PRIM2: variants seen among roughly 807,000 people sequenced by gnomAD.
The protein encoded by PRIM2 is DNA primase subunit 2, also known as DNA primase large subunit.
A neutral mutation model predicts 67.3 loss-of-function variants in PRIM2; 39 were observed. The observed-to-expected ratio is 0.58, with a 90% CI of 0.45 to 0.76. The LOEUF (loss-of-function observed/expected upper bound fraction) is 0.76, where lower values mean the gene tolerates loss of function less well. PRIM2 is among the 30% of genes least tolerant of loss of function. The probability of loss-of-function intolerance (pLI) is 0.00; values close to 1 mark genes in which losing one functional copy is unlikely to be tolerated. For synonymous variants in PRIM2, 143 were observed against 198.7 expected, an observed-to-expected ratio of 0.72 and a Z score of 2.36; for missense variants, 398 against 598.7, an observed-to-expected ratio of 0.66 and a Z score of 3.50.
chr6:57,390,942 GC>G (rs1770322547), intron 7 of PRIM2, among the ~76,000 whole-genome samples: 1 of 152,090 alleles, frequency 6.6e-6, no homozygotes, highest in Non-Finnish European at 1.5e-5. Context: ...TCTGCTTTTA[GC>G]TCTTTGAGGA....
chr6:57,478,950 C>T (rs1448605195), intron 7 of PRIM2, among the ~76,000 whole-genome samples: 1 of 152,190 alleles, frequency 6.6e-6, no homozygotes, highest in Non-Finnish European at 1.5e-5. Context: ...AGTTCGAGAT[C>T]AGCCTGACCA....
At chr6:57,530,752 C>G (rs1408542059) in intron 8 of PRIM2, among the ~76,000 whole-genome samples, 2 of 151,700 alleles carry the variant, frequency 1.3e-5, no homozygotes, top group Non-Finnish European at 2.9e-5. Context: ...ACTCTGTCAC[C>G]CAGGGTGGAG....
intron 7 of PRIM2, among the ~76,000 whole-genome samples, chr6:57,415,538 G>C (rs1385585791): frequency 1.2e-4 from 19 of 152,166 alleles, no homozygotes; most frequent in African/African-American, 4.1e-4. Flanking sequence ...TGCTGGTGGA[G>C]GGTCTTGCCT....
At chr6:57,237,725 C>T in the PRIM2 span, among the ~76,000 whole-genome samples, 1 of 152,068 alleles carries the variant, frequency 6.6e-6, no homozygotes, top group Non-Finnish European at 1.5e-5. Context: ...CAGATAGTTG[C>T]AGATGTGTGG....
the PRIM2 span, among the ~76,000 whole-genome samples, chr6:57,224,304 A>G: frequency 1.3e-5 from 2 of 152,200 alleles, no homozygotes; most frequent in African/African-American, 4.8e-5. Flanking sequence ...ATGTTATAGC[A>G]TGGATGAAGC....
At chr6:57,285,591 C>T in the PRIM2 span, among the ~76,000 whole-genome samples, 7 of 152,190 alleles carry the variant, frequency 4.6e-5, no homozygotes, top group South Asian at 4.2e-4. Context: ...CCTAAAAACT[C>T]GCAATAAACT....
At chr6:57,644,055 T>G (rs1777292580) in intron 13 of PRIM2, among the ~76,000 whole-genome samples, 1 of 152,118 alleles carries the variant, frequency 6.6e-6, no homozygotes, top group African/African-American at 2.4e-5. Flanking sequence ...ATACATAGCT[T>G]TAATCACACC....
chr6:57,301,309 G>A, the PRIM2 span, among the ~76,000 whole-genome samples: 2 of 152,072 alleles, frequency 1.3e-5, no homozygotes, highest in African/African-American at 4.8e-5. Context: ...CCAACATGGA[G>A]AAACCCCATC....
At chr6:57,277,207 C>T in the PRIM2 span, among the ~76,000 whole-genome samples, 5 of 152,062 alleles carry the variant, frequency 3.3e-5, no homozygotes, top group Non-Finnish European at 4.4e-5. Flanking sequence ...GGAAGGTATC[C>T]TTTCAAAAGG....
chr6:57,288,806 C>T, the PRIM2 span, among the ~76,000 whole-genome samples: 1 of 152,264 alleles, frequency 6.6e-6, no homozygotes, highest in African/African-American at 2.4e-5. Context: ...AGGTTACCAA[C>T]GTCAAAGACC....
At chr6:57,371,528 GT>G (rs1769557649) in intron 5 of PRIM2, among the ~76,000 whole-genome samples, 1 of 152,134 alleles carries the variant, frequency 6.6e-6, no homozygotes. Context: ...TTCAATTTCA[GT>G]TTTGCCAGAT....
At chr6:57,514,688 T>G (rs1774445472) in intron 8 of PRIM2, among the ~76,000 whole-genome samples, 1 of 152,108 alleles carries the variant, frequency 6.6e-6, no homozygotes, top group African/African-American at 2.4e-5. Context: ...GTTAATGCCT[T>G]CTTAGAGGTA....
At chr6:57,447,991 T>A (rs1306744641) in intron 7 of PRIM2, among the ~76,000 whole-genome samples, 1 of 152,058 alleles carries the variant, frequency 6.6e-6, no homozygotes, top group Non-Finnish European at 1.5e-5. Flanking sequence ...CATTTTGGAG[T>A]GTTTATGAGT....
At chr6:57,477,136 G>A (rs1403118781) in intron 7 of PRIM2, among the ~76,000 whole-genome samples, 4 of 151,960 alleles carry the variant, frequency 2.6e-5, no homozygotes, top group Non-Finnish European at 4.4e-5. Context: ...GACCCCAGGT[G>A]CTTGCCACCA....
intron 5 of PRIM2, among the ~76,000 whole-genome samples, chr6:57,342,248 T>G (rs1768517456): frequency 6.6e-6 from 1 of 152,222 alleles, no homozygotes; most frequent in Non-Finnish European, 1.5e-5. Context: ...AACTGATATT[T>G]TTCATTCTTT....
intron 7 of PRIM2, among the ~76,000 whole-genome samples, chr6:57,500,356 C>T (rs1774106433): frequency 6.6e-6 from 1 of 152,122 alleles, no homozygotes; most frequent in African/African-American, 2.4e-5. Flanking sequence ...ATTGCAAACA[C>T]AAATGTATGC....
At chr6:57,271,185 C>T in the PRIM2 span, among the ~76,000 whole-genome samples, 1 of 152,086 alleles carries the variant, frequency 6.6e-6, no homozygotes, top group Non-Finnish European at 1.5e-5. Flanking sequence ...ATTCATTGGA[C>T]TAGTTTCAGA....
intron 4 of PRIM2, among the ~76,000 whole-genome samples, chr6:57,324,565 G>A (rs924629945): frequency 1.3e-5 from 2 of 152,156 alleles, no homozygotes; most frequent in Non-Finnish European, 2.9e-5. Context: ...TTATTGGGAA[G>A]AAGGACTTTT....
chr6:57,392,677 A>C (rs1770393766), intron 7 of PRIM2, among the ~76,000 whole-genome samples: 1 of 151,326 alleles, frequency 6.6e-6, no homozygotes, highest in Non-Finnish European at 1.5e-5. Context: ...ATTTATTTTT[A>C]TTATTTTTAA....
Sources: gnomAD v4.1 joint callset for allele counts (sites outside exome capture counted in the v4.1 genomes callset) on GRCh38, gnomAD v4.1.1 for gene constraint, MANE v1.5 for transcripts, NCBI Gene and HGNC (gene_info 2026-07-23, HGNC 2026-07-21) for gene names.